RPL5: variants seen among roughly 807,000 people sequenced by gnomAD.
The protein encoded by RPL5 is ribosomal protein L5.
RPL5 carries 1 observed loss-of-function variant against 38.4 expected under a neutral mutation model. That is an observed-to-expected ratio of 0.03 (90% CI 0.01 to 0.12). RPL5 has a LOEUF of 0.12. RPL5 is among the 10% of genes least tolerant of loss of function. The pLI, the probability that RPL5 is intolerant of heterozygous loss-of-function variation, is 1.00. For missense variants in RPL5, 243 were observed against 374.1 expected, an observed-to-expected ratio of 0.65 and a Z score of 2.89; for synonymous variants, 109 against 121.2, an observed-to-expected ratio of 0.90 and a Z score of 0.66.
intron 6 of RPL5, 140 bp from the exon 7 acceptor site, chr1:92,840,411 A>G (rs1350712947): frequency 4.3e-6 from 3 of 697,308 alleles, no homozygotes; most frequent in Non-Finnish European, 7.6e-6. Context: ...TACATTTAGA[A>G]GTTAAAGTGT....
At chr1:92,840,743 C>A in intron 7 of RPL5, 104 bp downstream of exon 7, 2 of 856,924 alleles carry the variant, frequency 2.3e-6, no homozygotes, top group Non-Finnish European at 4.0e-6. Flanking sequence ...ACTAGCTCTG[C>A]GTGATGTGGC....
Position 92,833,122 on chromosome 1 carries a change from A to G in RPL5, c.4-267A>G, listed in dbSNP as rs145309245. Reference sequence around the variant, plus strand: ...ATTTTATACCTGTTAAATGTAATAAATTGGGGCCTGCATTTTGTATGTTTC... The same window carrying G: ...ATTTTATACCTGTTAAATGTAATAAGTTGGGGCCTGCATTTTGTATGTTTC... On this transcript the variant is annotated intron_variant, in intron 1 of 7. Transcript: ENST00000370321. 1,018 of 680,740 alleles carry G rather than the reference A, an allele frequency of 1.5e-3. 4 individuals carry two copies. Among genetic ancestry groups the G allele is most frequent in the Non-Finnish European group, 2.2e-3 (846 of 376,044 alleles). The allele number at this position is 680,740 out of a possible 1,614,324, so 42.2% of individuals were successfully genotyped here. A position where few individuals can be genotyped will look rare whatever the true frequency, so the allele number is the denominator to read the frequency against.
At chr1:92,832,266 G>C (rs1201964924) in intron 1 of RPL5, 149 bp downstream of exon 1, 1 of 1,332,596 alleles carries the variant, frequency 7.5e-7, no homozygotes, top group African/African-American at 1.5e-5. Flanking sequence ...AGTTCCCAGC[G>C]TGGCCTTAAA....
Position 92,840,539 on chromosome 1 carries a change from C to A in RPL5, c.706-12C>A. The A allele has an allele frequency of 6.2e-7, 1 of 1,604,154 alleles. No individual in the cohort carries two copies. The highest frequency in any genetic ancestry group is 1.3e-5 in the African/African-American group (1 of 74,826). On this transcript the variant is annotated splice_polypyrimidine_tract_variant and intron_variant, in intron 6 of 7. Transcript: ENST00000370321. ...AATGAAACCAAGTACTGTTTGCTTT[C>A]CTTTGTTTCAGATGGAGGAGATGTA... is the stretch of plus-strand genomic sequence containing the variant.
At position 92,838,066 on chromosome 1, in the gene RPL5, T is replaced by C. The variant is rs185408417; in HGVS notation, c.705+433T>C. On this transcript the variant is annotated intron_variant, in intron 6 of 7. Transcript: ENST00000370321. ...GATGTTGTAGAAATGAGGGGAGCCA[T>C]GTTTGCAAGAATGAGTCCCAAAGTG... 5.8e-4 allele frequency among the ~76,000 whole-genome samples: 89 copies of C among 152,336 alleles called. 1 individual carries two copies. The highest frequency in any genetic ancestry group is 2.1e-3 in the African/African-American group (89 of 41,580).
intron 6 of RPL5, 125 bp from the exon 7 acceptor site, chr1:92,840,426 C>T: frequency 1.3e-6 from 1 of 749,928 alleles, no homozygotes; most frequent in Non-Finnish European, 2.3e-6. Context: ...AAGTGTTTAC[C>T]AACATTGATT....
intron 6 of RPL5, among the ~76,000 whole-genome samples, chr1:92,839,031 C>G (rs1477497548): frequency 8.5e-6 from 1 of 118,308 alleles, no homozygotes; most frequent in Non-Finnish European, 1.7e-5. Context: ...AGAGTTGCAG[C>G]TTTTTTTTTT....
intron 1 of RPL5, chr1:92,833,018 A>T (rs1297756754): frequency 2.7e-6 from 2 of 742,018 alleles, no homozygotes; most frequent in East Asian, 4.9e-5. Context: ...AGTTTGGCAC[A>T]ATTACCGGTG....
chr1:92,832,273 T>A, intron 1 of RPL5, 156 bp downstream of exon 1: 2 of 1,228,140 alleles, frequency 1.6e-6, no homozygotes, highest in Non-Finnish European at 2.3e-6. Flanking sequence ...AGCGTGGCCT[T>A]AAATGGCTGC....
chr1:92,834,646 C>G, intron 3 of RPL5, 133 bp from the exon 4 acceptor site: 1 of 1,206,302 alleles, frequency 8.3e-7, no homozygotes, highest in East Asian at 2.4e-5. Context: ...GGTAACCCAG[C>G]TAAGAGTCTT....
At chr1:92,833,730 G>C in intron 3 of RPL5, 70 bp downstream of exon 3, 1 of 1,252,630 alleles carries the variant, frequency 8.0e-7, no homozygotes, top group East Asian at 2.3e-5. Context: ...CAAAGCACAT[G>C]GTGTGTGTGT....
Position 92,841,881 on chromosome 1 carries a change from A to G in RPL5, c.*16A>G, listed in dbSNP as rs778432203. ...TGAGAGCTAAACCCAGCAATTTTCT[A>G]TGATTTTTTCAGATATAGATAATAA... On this transcript the variant is annotated 3_prime_UTR_variant, in exon 8 of 8. Coordinates refer to ENST00000370321, the MANE Select transcript of RPL5 (RefSeq NM_000969.5). The G allele has an allele frequency of 1.3e-6, 2 of 1,595,674 alleles. No homozygotes were observed. Among genetic ancestry groups the G allele is most frequent in the South Asian group, 1.1e-5 (1 of 90,566 alleles).
intron 1 of RPL5, 101 bp from the exon 2 acceptor site, chr1:92,833,288 A>T: frequency 3.2e-6 from 3 of 949,154 alleles, no homozygotes; most frequent in Non-Finnish European, 3.4e-6. Context: ...TTGTCTGTTT[A>T]CTCTTGAAGT....
intron 6 of RPL5, among the ~76,000 whole-genome samples, chr1:92,840,008 A>ATT (rs111307161): frequency 1.3e-4 from 18 of 138,326 alleles, no homozygotes; most frequent in African/African-American, 3.2e-4. Flanking sequence ...TGCCCTGCTA[A>ATT]TTTTTTTTTT....
chr1:92,840,712 T>C (rs1687323875), intron 7 of RPL5, 73 bp downstream of exon 7: 3 of 1,107,550 alleles, frequency 2.7e-6, no homozygotes, highest in African/African-American at 1.5e-5. Context: ...AGACTGTTGG[T>C]GTAATTGTGC....
In RPL5 at chr1:92,841,752, C is replaced by CCTAT. The variant is rs1206450237; in HGVS notation, c.795-11_795-8dup. ...AGTTATAGTTTAAAAAATATATATT[C>CCTAT]CTATCTTTTGTAGGTGGAACCGTCC... On this transcript the variant is annotated splice_polypyrimidine_tract_variant and intron_variant, in intron 7 of 7. Transcript: ENST00000370321. 2.6e-6 allele frequency: 4 copies of CCTAT among 1,566,022 alleles called. No individual in the cohort carries two copies. The highest frequency in any genetic ancestry group is 3.5e-6 in the Non-Finnish European group (4 of 1,139,386).
At chr1:92,836,571 T>G in intron 5 of RPL5, 179 bp downstream of exon 5, 1 of 633,740 alleles carries the variant, frequency 1.6e-6, no homozygotes, top group East Asian at 2.8e-5. Context: ...TTTTATAAAT[T>G]AAGAGTCTGA....
intron 6 of RPL5, chr1:92,837,867 G>T: frequency 1.9e-6 from 1 of 530,372 alleles, no homozygotes; most frequent in Non-Finnish European, 3.4e-6. Flanking sequence ...TGTCATTTCT[G>T]TAATCATAGT....
chr1:92,834,273 T>C (rs1687030936), intron 3 of RPL5, among the ~76,000 whole-genome samples: 3 of 152,194 alleles, frequency 2.0e-5, no homozygotes, highest in African/African-American at 7.2e-5. Flanking sequence ...TGCTTATTCT[T>C]TGAAATAGGT....
Sources: gnomAD v4.1 joint callset for allele counts (sites outside exome capture counted in the v4.1 genomes callset) on GRCh38, gnomAD v4.1.1 for gene constraint, MANE v1.5 for transcripts, NCBI Gene and HGNC (gene_info 2026-07-23, HGNC 2026-07-21) for gene names.